INTS1: variants seen among roughly 807,000 people sequenced by gnomAD.
INTS1 encodes integrator complex subunit 1.
Under a neutral mutation model 241.6 loss-of-function variants are expected in INTS1, and 137 were observed. The observed-to-expected ratio is 0.57, with a 90% CI of 0.49 to 0.65. The LOEUF (loss-of-function observed/expected upper bound fraction) is 0.65. Ranked by LOEUF, INTS1 falls within the 30% of genes least tolerant of loss-of-function variation. The probability of loss-of-function intolerance (pLI) is 0.00; values close to 1 mark genes in which losing one functional copy is unlikely to be tolerated. For synonymous variants in INTS1, 1,692 were observed against 1,337.8 expected, an observed-to-expected ratio of 1.26 and a Z score of -5.78; for missense variants, 3,073 against 3,032.2, an observed-to-expected ratio of 1.01 and a Z score of -0.32.
chr7:1,499,786 C>T (rs906572135), intron 5 of INTS1, 98 bp downstream of exon 5: 2 of 1,478,524 alleles, frequency 1.4e-6, no homozygotes, highest in Non-Finnish European at 1.8e-6. Context: ...GGCTGTCAGA[C>T]ACAGCCCTCT....
rs1013949437 is a variant in INTS1, at chr7:1,490,350, G to A, written c.2166-668C>T. On this transcript the variant is annotated intron_variant, in intron 16 of 47. Coordinates refer to ENST00000404767, the MANE Select transcript of INTS1 (RefSeq NM_001080453.3). ...GGGTGTCAGCTCTGCATAAAGGGACGCCCCTGAAAGGGTGTCACCTCTGCA... is the reference window on the plus strand; with the variant it reads ...GGGTGTCAGCTCTGCATAAAGGGACACCCCTGAAAGGGTGTCACCTCTGCA... Among the ~76,000 whole-genome samples, 8 of 150,316 alleles carry A rather than the reference G, an allele frequency of 5.3e-5. No homozygotes were observed. In the East Asian group the frequency reaches 1.2e-3, roughly 22 times the overall value.
chr7:1,500,860 A>C, intron 3 of INTS1: 2 of 155,428 alleles, frequency 1.3e-5, no homozygotes, highest in Non-Finnish European at 1.4e-5. Flanking sequence ...ACCCTCCCAC[A>C]TCCTCTGAGG....
chr7:1,483,485 A>T, intron 26 of INTS1: 1 of 553,788 alleles, frequency 1.8e-6, no homozygotes, highest in Non-Finnish European at 3.3e-6. Context: ...CCCAGGCTGT[A>T]CCAGGCCCTC....
Position 1,497,724 on chromosome 7 carries a change from G to A in INTS1, c.1426-410C>T, listed in dbSNP as rs1432890161. 6.6e-6 allele frequency among the ~76,000 whole-genome samples: 1 copy of A among 152,240 alleles called. No homozygotes were observed. Among genetic ancestry groups the A allele is most frequent in the Non-Finnish European group, 1.5e-5 (1 of 68,044 alleles). ...CACTCCTGTCTCAAAATGCCAGGCC[G>A]CGAAGACTGAACGCGGAGCTGAGAG... On this transcript the variant is annotated intron_variant, in intron 10 of 47. Transcript: ENST00000404767. This position sits in a 1 kb window ranked among gnomAD's most constrained non-coding sequence, Gnocchi z 5.3.
intron 19 of INTS1, 135 bp downstream of exon 19, chr7:1,487,625 C>T (rs1320529512): frequency 3.4e-5 from 44 of 1,284,630 alleles, no homozygotes; most frequent in Non-Finnish European, 4.1e-5. Context: ...GACGCGGGGA[C>T]GGGGCTCCAC....
In INTS1 at chr7:1,485,392, C is replaced by T; in HGVS notation, c.3054G>A (p.Gly1018=). The T allele has an allele frequency of 6.2e-7, 1 of 1,612,806 alleles. No homozygotes were observed. The highest frequency in any genetic ancestry group is 8.5e-7 in the Non-Finnish European group (1 of 1,179,828). ...EKEPPMEEDV[G]DTDVLQGYQW... is the part of the protein sequence containing the mutation. ...GATAGCCCTGCAGCACATCTGTGTC[C>T]CCCACATCCTCCTCCATGGGGGGCT... Residue 1018 remains glycine (G), a synonymous_variant, in exon 23 of 48, where the codon GGG becomes GGA. Transcript: ENST00000404767.
intron 3 of INTS1, among the ~76,000 whole-genome samples, chr7:1,501,491 G>C (rs1300323683): frequency 6.6e-6 from 1 of 152,148 alleles, no homozygotes; most frequent in Admixed American, 6.5e-5. Flanking sequence ...GCTGGATGCA[G>C]CCATCTCTCT....
chr7:1,494,597 T>C (rs146746781), intron 14 of INTS1: 627 of 604,890 alleles, frequency 1.0e-3, no homozygotes, highest in African/African-American at 9.5e-3. Flanking sequence ...TGGAGTCACG[T>C]GGACGCAGAC....
rs777510160 is a variant in INTS1, at chr7:1,474,151, G to A, written c.5829+17C>T. 6.5e-6 allele frequency: 10 copies of A among 1,544,864 alleles called. No individual in the cohort carries two copies. The African/African-American group carries it at 1.2e-4, about 19-fold the overall frequency. ...GGAGTGGAAGGGAGCGCGAGGGCGG[G>A]CGGCGGGAGCACACACCAGCAGCAG... On this transcript the variant is annotated intron_variant, in intron 41 of 47. Transcript: ENST00000404767.
At chr7:1,472,841 T>A (rs866702327) in intron 43 of INTS1, among the ~76,000 whole-genome samples, 2 of 150,154 alleles carry the variant, frequency 1.3e-5, no homozygotes, top group African/African-American at 4.9e-5. Context: ...GGAGGGCCAT[T>A]TGCCGGGGCG....
chr7:1,500,702 G>A (rs1035441303), intron 3 of INTS1, among the ~76,000 whole-genome samples: 2 of 152,140 alleles, frequency 1.3e-5, no homozygotes, highest in Admixed American at 6.5e-5. Flanking sequence ...GGCTCCGTCT[G>A]GCGGCTTCTT....
chr7:1,473,247 G>A (rs1051021589), intron 42 of INTS1, 63 bp from the exon 43 acceptor site: 1 of 1,195,990 alleles, frequency 8.4e-7, no homozygotes, highest in African/African-American at 1.5e-5. Context: ...CTGGGTCAGG[G>A]GTCAAACTAG....
Position 1,487,786 on chromosome 7 carries a change from C to G in INTS1, c.2490G>C (p.Leu830=). Residue 830 remains leucine, a synonymous_variant, in exon 19 of 48, where the codon CTG becomes CTC. Coordinates refer to ENST00000404767, the MANE Select transcript of INTS1 (RefSeq NM_001080453.3). ...GGGGGTCCAGGCTGGTGAGCTGCGA[C>G]AGGAGGAGGCTGCTGCTCTCAGTGA... The part of the protein sequence containing the change: ...QTITESSSLL[L]SQLTSLDPQG... The G allele has an allele frequency of 2.5e-6, 4 of 1,610,610 alleles. No homozygotes were observed. In the African/African-American group the frequency reaches 4.0e-5, roughly 16 times the overall value.
chr7:1,504,020 G>A lies in INTS1; in HGVS notation c.-41-19C>T, dbSNP rs947086144. On this transcript the variant is annotated intron_variant, in intron 1 of 47. Transcript: ENST00000404767. ...GCGTCACCTGCGGAGGAGCCAGCGT[G>A]CGGTCATTCCTTCACTCATTCGCTC... The A allele has an allele frequency of 3.9e-6, 5 of 1,297,080 alleles. No individual in the cohort carries two copies. Among genetic ancestry groups the A allele is most frequent in the Middle Eastern group, 3.8e-4 (2 of 5,302 alleles). 80.3% of individuals were successfully genotyped at this position (1,297,080 alleles called of 1,614,324 possible). A position where few individuals can be genotyped will look rare whatever the true frequency, so the allele number is the denominator to read the frequency against.
At position 1,500,326 on chromosome 7, in the gene INTS1, C is replaced by T. The variant is rs770089528; in HGVS notation, c.390G>A (p.Glu130=). The T allele has an allele frequency of 1.1e-5, 18 of 1,587,772 alleles. No individual in the cohort carries two copies. The Admixed American group carries it at 2.9e-4, about 26-fold the overall frequency. ...CGATCCTGTCATCGTTGCCCTCCAGCTCGGCCGCCTCGATCTCATCCAGCA... is the reference window on the plus strand; with the variant it reads ...CGATCCTGTCATCGTTGCCCTCCAGTTCGGCCGCCTCGATCTCATCCAGCA... The part of the protein sequence containing the change: ...TVLLDEIEAA[E]LEGNDDRIEG... The change falls in exon 4 of 48, where the codon GAG becomes GAA. Residue 130 remains glutamate, a synonymous_variant. Transcript: ENST00000404767.
At chr7:1,500,487 C>T (rs533668218) in intron 3 of INTS1, 121 bp from the exon 4 acceptor site, 31 of 1,116,186 alleles carry the variant, frequency 2.8e-5, no homozygotes, top group Non-Finnish European at 3.6e-5. Context: ...CAGGGACCAG[C>T]GATCCACCCT....
In INTS1 at chr7:1,470,932, G is replaced by A. The variant is rs775819627; in HGVS notation, c.6371C>T (p.Thr2124Met). The A allele has an allele frequency of 5.7e-6, 9 of 1,576,458 alleles. No homozygotes were observed. Among genetic ancestry groups the A allele is most frequent in the African/African-American group, 2.7e-5 (2 of 73,946 alleles). Reference sequence around the variant, plus strand: ...CTGGCTGCCCAGGCAGTACATGAACGTGGGCAGGAAAGCGGCTGCAATGCT... The same window carrying A: ...CTGGCTGCCCAGGCAGTACATGAACATGGGCAGGAAAGCGGCTGCAATGCT... ...SPSIAAAFLP[T>M]FMYCLGSQDF... Residue 2124 changes from threonine (T) to methionine (M), a missense_variant, in exon 47 of 48, where the codon ACG (threonine) becomes ATG (methionine). Transcript: ENST00000404767.
Position 1,496,270 on chromosome 7 carries a change from G to C in INTS1, c.1603-6C>G. ...ATGTGCACCACGAAGCGCTCCTGCAGGTGCAGCACGGGGTCTGTATCCAGA... is the reference window on the plus strand; with the variant it reads ...ATGTGCACCACGAAGCGCTCCTGCACGTGCAGCACGGGGTCTGTATCCAGA... On this transcript the variant is annotated splice_region_variant and splice_polypyrimidine_tract_variant and intron_variant, in intron 11 of 47. Transcript: ENST00000404767. 1.9e-6 allele frequency: 3 copies of C among 1,612,992 alleles called. No homozygotes were observed. Among genetic ancestry groups the C allele is most frequent in the Non-Finnish European group, 2.5e-6 (3 of 1,179,278 alleles).
In INTS1 at chr7:1,498,841, C is replaced by T. The variant is rs769083107; in HGVS notation, c.1149G>A (p.Pro383=). ...MWLQNPKLTR[P]AQDLLMSVCM... ...AGACGGACATCAGCAGGTCCTGGGC[C>T]GGCCGGGTCAGCTGCGGGGCCGAGG... Residue 383 remains proline (P), a synonymous_variant, in exon 9 of 48, where the codon CCG becomes CCA. Coordinates refer to ENST00000404767, the MANE Select transcript of INTS1 (RefSeq NM_001080453.3). 3.7e-5 allele frequency: 59 copies of T among 1,604,162 alleles called. No homozygotes were observed. The highest frequency in any genetic ancestry group is 2.0e-4 in the East Asian group (9 of 44,502).
Sources: allele counts gnomAD v4.1 joint callset (sites outside exome capture counted in the v4.1 genomes callset), GRCh38; gene constraint gnomAD v4.1.1; non-coding constraint Gnocchi (gnomAD v3.1); transcripts MANE v1.5; gene names NCBI Gene and HGNC (gene_info 2026-07-23, HGNC 2026-07-21).